Variants in LMO7 observed in about 807,000 individuals in gnomAD.
LMO7 encodes LIM domain only protein 7.
In LMO7, 120 loss-of-function variants were observed where a neutral mutation model predicts 206.5. The ratio of observed to expected loss-of-function variants is 0.58; its 90% CI spans 0.50 to 0.68. The LOEUF is 0.68. Ranked by LOEUF, LMO7 falls within the 30% of genes least tolerant of loss-of-function variation. The probability of loss-of-function intolerance (pLI) is 0.00; values close to 1 mark genes in which losing one functional copy is unlikely to be tolerated. For synonymous variants in LMO7, 706 were observed against 681.5 expected (o/e 1.04, Z -0.56); for missense variants, 1,959 against 1,957.9 (o/e 1.00, Z -0.01).
chr13:75,804,213 AAGC>A (rs1253270283), intron 7 of LMO7, 73 bp from the exon 8 acceptor site: 9 of 1,449,614 alleles, frequency 6.2e-6, no homozygotes, highest in Middle Eastern at 1.8e-4. Context: ...GGGAAAGACA[AAGC>A]AGGCGCGCTG....
intron 19 of LMO7, among the ~76,000 whole-genome samples, chr13:75,837,405 C>G (rs1444355595): frequency 2.0e-5 from 3 of 152,180 alleles, no homozygotes; most frequent in Non-Finnish European, 4.4e-5. Flanking sequence ...ACATCTAGCT[C>G]TATGACGACT....
intron 1 of LMO7, among the ~76,000 whole-genome samples, chr13:75,647,648 C>T (rs983199343): frequency 1.3e-5 from 2 of 151,964 alleles, no homozygotes; most frequent in Admixed American, 1.3e-4. Context: ...GGTCTGTATT[C>T]ATAATTGGAG....
chr13:75,760,159 A>G (rs2048037122), intron 3 of LMO7, among the ~76,000 whole-genome samples: 1 of 152,040 alleles, frequency 6.6e-6, no homozygotes, highest in South Asian at 2.1e-4. Flanking sequence ...CATATACTGT[A>G]ATCTGTGTTT....
chr13:75,837,459 A>G (rs1432170241), intron 19 of LMO7, among the ~76,000 whole-genome samples: 1 of 152,188 alleles, frequency 6.6e-6, no homozygotes, highest in East Asian at 1.9e-4. Flanking sequence ...TTTTGTTTAG[A>G]TAAGTAAGCA....
intron 1 of LMO7, among the ~76,000 whole-genome samples, chr13:75,686,108 G>A (rs1330298737): frequency 6.6e-6 from 1 of 151,732 alleles, no homozygotes; most frequent in Non-Finnish European, 1.5e-5. Flanking sequence ...TGAACTCCTG[G>A]GCTCAAGCAG....
intron 7 of LMO7, among the ~76,000 whole-genome samples, chr13:75,802,807 A>G (rs987357661): frequency 2.0e-5 from 3 of 152,070 alleles, no homozygotes; most frequent in Admixed American, 6.6e-5. Flanking sequence ...TTCTACTGCT[A>G]CTCTCTAGAT....
At chr13:75,735,502 G>A (rs567895126) in intron 3 of LMO7, among the ~76,000 whole-genome samples, 8 of 152,210 alleles carry the variant, frequency 5.3e-5, no homozygotes, top group Admixed American at 1.3e-4. Context: ...TCACTCTGTC[G>A]CTGGGCTGGA....
intron 30 of LMO7, chr13:75,857,719 A>G: frequency 2.5e-6 from 1 of 395,982 alleles, no homozygotes; most frequent in Non-Finnish European, 4.5e-6. Flanking sequence ...TGAGCAGTTC[A>G]TTTTTACTCC....
intron 4 of LMO7, among the ~76,000 whole-genome samples, chr13:75,771,943 A>G (rs947585382): frequency 1.6e-4 from 24 of 151,864 alleles, no homozygotes; most frequent in Non-Finnish European, 3.4e-4. Context: ...AGGGTTAAAA[A>G]CAGGTGATAA....
At chr13:75,841,304 T>C (rs1341122204) in intron 23 of LMO7, 103 bp downstream of exon 23, 4 of 725,794 alleles carry the variant, frequency 5.5e-6, no homozygotes, top group East Asian at 2.7e-5. Flanking sequence ...TTTGACCATA[T>C]GTTCACCTGT....
chr13:75,669,705 G>A (rs550079466), intron 1 of LMO7, among the ~76,000 whole-genome samples: 1 of 152,298 alleles, frequency 6.6e-6, no homozygotes, highest in South Asian at 2.1e-4. Context: ...AATTCTAGAG[G>A]CTCTGTGGGC....
At chr13:75,761,067 A>G (rs2048160033) in intron 4 of LMO7, 29 bp downstream of exon 4, 1 of 1,308,094 alleles carries the variant, frequency 7.6e-7, no homozygotes, top group African/African-American at 1.5e-5. Context: ...TTAGATATAT[A>G]TATATATATT....
chr13:75,654,176 A>G (rs555025768), intron 1 of LMO7, among the ~76,000 whole-genome samples: 1 of 152,348 alleles, frequency 6.6e-6, no homozygotes, highest in South Asian at 2.1e-4. Flanking sequence ...GGGAGAGCTT[A>G]CAAATCTGTA....
At chr13:75,809,335 TG>T in intron 11 of LMO7, 152 bp downstream of exon 11, 1 of 645,210 alleles carries the variant, frequency 1.5e-6, no homozygotes, top group South Asian at 2.2e-5. Context: ...TGCAACCTAA[TG>T]GTAATATTTC....
At chr13:75,851,410 A>G (rs758975212) in intron 27 of LMO7, among the ~76,000 whole-genome samples, 9 of 152,212 alleles carry the variant, frequency 5.9e-5, no homozygotes, top group Non-Finnish European at 1.0e-4. Context: ...ATATGTGAGA[A>G]AAGGTCTGGA....
chr13:75,631,881 C>T (rs1249798750), upstream of LMO7: 1 of 152,182 alleles, frequency 6.6e-6, no homozygotes, highest in Non-Finnish European at 1.5e-5. Context: ...ACCGCCGTTA[C>T]TCATTCTGTG....
chr13:75,696,389 C>G (rs1038416892), intron 1 of LMO7, among the ~76,000 whole-genome samples: 4 of 151,748 alleles, frequency 2.6e-5, no homozygotes, highest in Admixed American at 2.6e-4. Context: ...AAACAAAAAC[C>G]CGAAGCATTT....
At chr13:75,776,161 G>GTATATATA (rs2050379972) in intron 4 of LMO7, among the ~76,000 whole-genome samples, 1 of 16,876 alleles carries the variant, frequency 5.9e-5, no homozygotes. Context: ...TATATATATC[G>GTATATATA]GATATATATA....
chr13:75,783,793 G>T (rs909185828), intron 4 of LMO7, among the ~76,000 whole-genome samples: 1 of 152,154 alleles, frequency 6.6e-6, no homozygotes, highest in Non-Finnish European at 1.5e-5. Context: ...ACTGAGGTAG[G>T]TCTTGCCCTT....
Sources: gnomAD v4.1 joint callset for allele counts (sites outside exome capture counted in the v4.1 genomes callset) on GRCh38, gnomAD v4.1.1 for gene constraint, MANE v1.5 for transcripts, NCBI Gene and HGNC (gene_info 2026-07-23, HGNC 2026-07-21) for gene names.